The following PPME1 variants were observed in gnomAD, a reference collection of about 807,000 sequenced individuals.
PPME1 encodes testicular secretory protein Li 39.
In PPME1, 17 loss-of-function variants were observed where a neutral mutation model predicts 56.9. The observed-to-expected ratio is 0.30, with a 90% confidence interval of 0.20 to 0.45. PPME1 has a LOEUF of 0.45. Ranked by LOEUF, PPME1 falls within the 20% of genes least tolerant of loss-of-function variation. The pLI is 1.00. For missense variants in PPME1, 357 were observed against 483.2 expected (o/e 0.74, Z 2.45); for synonymous variants, 122 against 156.2 (o/e 0.78, Z 1.63).
chr11:74,237,224 T>TGATA (rs202178194), intron 8 of PPME1, among the ~76,000 whole-genome samples: 1,775 of 152,122 alleles, frequency 0.012, 26 homozygotes, highest in Middle Eastern at 0.037. Context: ...CAAGAATACT[T>TGATA]GATAGGTGAT....
At chr11:74,208,793 G>A (rs1858396257) in intron 3 of PPME1, among the ~76,000 whole-genome samples, 1 of 152,182 alleles carries the variant, frequency 6.6e-6, no homozygotes, top group Non-Finnish European at 1.5e-5. Flanking sequence ...TCATAAGAGA[G>A]GACATCTGAA....
intron 3 of PPME1, among the ~76,000 whole-genome samples, chr11:74,218,376 A>G (rs888464518): frequency 2.0e-5 from 3 of 152,188 alleles, no homozygotes; most frequent in African/African-American, 4.8e-5. Flanking sequence ...AATACCAATG[A>G]TATTCTTCAA....
At chr11:74,252,402 C>T (rs1859723702) in intron 13 of PPME1, 1 of 454,274 alleles carries the variant, frequency 2.2e-6, no homozygotes, top group South Asian at 1.6e-5. Context: ...TGGCCTAGAG[C>T]AGGGTTTTCT....
At chr11:74,173,286 C>T (rs1450553277) in intron 1 of PPME1, among the ~76,000 whole-genome samples, 5 of 152,142 alleles carry the variant, frequency 3.3e-5, no homozygotes, top group Non-Finnish European at 7.4e-5. Flanking sequence ...ATCTTAGTTG[C>T]TGCCTTTCTT....
rs1857218171 is a variant in PPME1 at position 74,171,461 on chromosome 11, C to T, written c.40C>T (p.Pro14Ser). The T allele has an allele frequency of 7.4e-6, 12 of 1,613,278 alleles. No homozygotes were observed. Among genetic ancestry groups the T allele is most frequent in the African/African-American group, 1.3e-5 (1 of 74,926 alleles). Residue 14 changes from proline to serine, a missense_variant, in exon 1 of 14, where the codon CCC (proline) becomes TCC (serine). Pro to Ser is a moderately conservative substitution (Grantham distance 74). This residue lies in a region of PPME1 where 175 missense variants were observed against 189.4 expected (regional missense o/e 0.92). Coordinates refer to ENST00000328257, the MANE Select transcript of PPME1 (RefSeq NM_016147.3). ...LEKSMHLGRLPSRPPLPGSGG... is the reference protein window; with the variant it reads ...LEKSMHLGRLSSRPPLPGSGG... ...AAAGAGCATGCACCTCGGCCGCCTT[C>T]CCTCTCGCCCACCTCTACCCGGCAG...
intron 1 of PPME1, among the ~76,000 whole-genome samples, chr11:74,192,549 T>G (rs1466485152): frequency 6.6e-6 from 1 of 152,114 alleles, no homozygotes; most frequent in African/African-American, 2.4e-5. Flanking sequence ...CAGAATGATA[T>G]GGTTTGGATG....
rs771117583 is a variant in PPME1, at chr11:74,230,058, G to T, written c.399-187G>T. The stretch of plus-strand genomic sequence containing the variant: ...CTGCCATTTATCAGGAGAGCTAGGT[G>T]TGTGGCTACACATATTGATGCTGGG... On this transcript the variant is annotated intron_variant, in intron 5 of 13. Transcript: ENST00000328257. The surrounding 1 kb of genome is among the most constrained non-coding windows in gnomAD (Gnocchi z 4.9). 6.7e-4 allele frequency among the ~76,000 whole-genome samples: 102 copies of T among 152,220 alleles called. 1 individual carries two copies. Among genetic ancestry groups the T allele is most frequent in the Admixed American group, 3.3e-3 (51 of 15,272 alleles).
At chr11:74,235,084 CAT>C (rs1859158175) in intron 7 of PPME1, among the ~76,000 whole-genome samples, 1 of 152,158 alleles carries the variant, frequency 6.6e-6, no homozygotes, top group African/African-American at 2.4e-5. Context: ...AGTAAGAAAT[CAT>C]GTCATTATCT....
At chr11:74,178,772 A>C (rs1271278878) in intron 1 of PPME1, among the ~76,000 whole-genome samples, 2 of 151,970 alleles carry the variant, frequency 1.3e-5, no homozygotes, top group Non-Finnish European at 2.9e-5. Context: ...ATTTCTTCTT[A>C]GTATCTCCAA....
intron 3 of PPME1, among the ~76,000 whole-genome samples, chr11:74,208,313 G>GAAA (rs534209366): frequency 1.8e-5 from 2 of 110,092 alleles, no homozygotes; most frequent in African/African-American, 3.0e-5. Context: ...TCTGTCTCAA[G>GAAA]AAAAAAAAAA....
rs1859286931 is a variant in PPME1, at chr11:74,239,346, T to C, written c.834+90T>C. 25 of 1,509,942 alleles carry C rather than the reference T, an allele frequency of 1.7e-5. No individual in the cohort carries two copies. The South Asian group carries it at 3.3e-4, about 20-fold the overall frequency. The allele number at this position is 1,509,942 out of a possible 1,614,324, so 93.5% of individuals were successfully genotyped here. A position where few individuals can be genotyped will look rare whatever the true frequency, so the allele number is the denominator to read the frequency against. On this transcript the variant is annotated intron_variant, in intron 9 of 13. Coordinates refer to ENST00000328257, the MANE Select transcript of PPME1 (RefSeq NM_016147.3). Reference sequence around the variant, plus strand: ...GAAGGGGTGATAACATTGTTCTTTTTGTTTGCCATTAGGTATTTTAGGGAG... The same window carrying C: ...GAAGGGGTGATAACATTGTTCTTTTCGTTTGCCATTAGGTATTTTAGGGAG...
chr11:74,174,004 G>A (rs942321828), intron 1 of PPME1, among the ~76,000 whole-genome samples: 2 of 152,120 alleles, frequency 1.3e-5, no homozygotes, highest in Admixed American at 6.6e-5. Context: ...TTATTTTCCC[G>A]TATCTTTCTT....
At chr11:74,253,405 G>T (rs1859754511) in intron 13 of PPME1, 87 bp from the exon 14 acceptor site, 1 of 1,400,952 alleles carries the variant, frequency 7.1e-7, no homozygotes, top group South Asian at 1.2e-5. Context: ...GTGGTCATTA[G>T]GGAGGGCTTC....
intron 3 of PPME1, among the ~76,000 whole-genome samples, chr11:74,219,426 C>T (rs1337330119): frequency 1.3e-5 from 2 of 151,876 alleles, no homozygotes; most frequent in East Asian, 1.9e-4. Flanking sequence ...ATCAGTACAT[C>T]GAAGAGATAT....
At chr11:74,226,630 C>CTT (rs1417057842) in intron 5 of PPME1, among the ~76,000 whole-genome samples, 2 of 152,124 alleles carry the variant, frequency 1.3e-5, no homozygotes, top group African/African-American at 4.8e-5. Flanking sequence ...AATACATCAT[C>CTT]TGAGTGTCCA....
At position 74,171,392 on chromosome 11, in the gene PPME1, G is replaced by C; in HGVS notation, c.-30G>C. The stretch of plus-strand genomic sequence containing the variant: ...AACGTGGGACGAAGCTTCGCCTACT[G>C]TTTGACTACGTGCGTGCAGCCTCCC... On this transcript the variant is annotated 5_prime_UTR_variant, in exon 1 of 14. Coordinates refer to ENST00000328257, the MANE Select transcript of PPME1 (RefSeq NM_016147.3). The C allele has an allele frequency of 1.3e-6, 2 of 1,595,512 alleles. No individual in the cohort carries two copies. Among genetic ancestry groups the C allele is most frequent in the Non-Finnish European group, 1.7e-6 (2 of 1,171,052 alleles).
At chr11:74,245,095 G>C (rs1250719660) in intron 9 of PPME1, among the ~76,000 whole-genome samples, 1 of 151,950 alleles carries the variant, frequency 6.6e-6, no homozygotes, top group Non-Finnish European at 1.5e-5. Flanking sequence ...TTCAATTACT[G>C]CAGCTTTGTA....
At chr11:74,232,341 T>C (rs1416577056) in intron 7 of PPME1, among the ~76,000 whole-genome samples, 1 of 152,274 alleles carries the variant, frequency 6.6e-6, no homozygotes, top group Non-Finnish European at 1.5e-5. Context: ...ATATATCTGT[T>C]AACTGAATCA....
intron 3 of PPME1, among the ~76,000 whole-genome samples, chr11:74,211,147 CATTT>C (rs1035901195): frequency 6.6e-6 from 1 of 151,992 alleles, no homozygotes; most frequent in Admixed American, 6.6e-5. Flanking sequence ...AAATGTAAGA[CATTT>C]ATGAAGAAAA....
Sources: gnomAD v4.1 joint callset for allele counts (sites outside exome capture counted in the v4.1 genomes callset) on GRCh38, gnomAD v4.1.1 for gene constraint, gnomAD v4.1.1 regional missense constraint, Gnocchi (gnomAD v3.1) non-coding constraint, MANE v1.5 for transcripts, NCBI Gene and HGNC (gene_info 2026-07-23, HGNC 2026-07-21) for gene names.